FARS2: variants seen among roughly 807,000 people sequenced by gnomAD.
FARS2 encodes the protein phenylalanyl-tRNA synthetase 2, mitochondrial.
A neutral mutation model predicts 46.4 loss-of-function variants in FARS2; 40 were observed. The ratio of observed to expected loss-of-function variants is 0.86; its 90% CI spans 0.67 to 1.12. FARS2 has a LOEUF of 1.12. Among genes scored for constraint, FARS2 ranks in the 50% most tolerant of loss-of-function variants. The pLI is 0.00. For synonymous variants in FARS2, 234 were observed against 214.9 expected (o/e 1.09, Z -0.78); for missense variants, 513 against 567.9 (o/e 0.90, Z 0.98).
At chr6:5,269,465 A>G (rs1765794029) in intron 1 of FARS2, among the ~76,000 whole-genome samples, 1 of 151,862 alleles carries the variant, frequency 6.6e-6, no homozygotes, top group Admixed American at 6.5e-5. Flanking sequence ...ATAATAAAAA[A>G]AAAAATGAAA....
chr6:5,653,855 C>T (rs1349610676), intron 6 of FARS2, among the ~76,000 whole-genome samples: 2 of 151,976 alleles, frequency 1.3e-5, no homozygotes, highest in Non-Finnish European at 2.9e-5. Flanking sequence ...GCTGCATCTT[C>T]GTGGAGTGCG....
intron 4 of FARS2, among the ~76,000 whole-genome samples, chr6:5,447,454 C>T (rs1764245787): frequency 6.6e-6 from 1 of 152,188 alleles, no homozygotes; most frequent in Non-Finnish European, 1.5e-5. Flanking sequence ...CCACAGCATG[C>T]TTTTTACCCC....
chr6:5,334,781 C>A (rs1231911017), intron 1 of FARS2, among the ~76,000 whole-genome samples: 2 of 152,116 alleles, frequency 1.3e-5, no homozygotes, highest in African/African-American at 4.8e-5. Flanking sequence ...CCCCATTTGT[C>A]TTTAACATAA....
At chr6:5,449,119 C>T (rs1415624056) in intron 4 of FARS2, among the ~76,000 whole-genome samples, 6 of 152,030 alleles carry the variant, frequency 3.9e-5, no homozygotes, top group South Asian at 2.1e-4. Flanking sequence ...GAGGCCGAGG[C>T]GGGCAGATCA....
intron 4 of FARS2, among the ~76,000 whole-genome samples, chr6:5,479,301 A>T (rs1348235692): frequency 6.6e-6 from 1 of 152,196 alleles, no homozygotes. Flanking sequence ...GCATTGTTAG[A>T]TTCTACTCAT....
intron 6 of FARS2, among the ~76,000 whole-genome samples, chr6:5,767,346 G>A (rs551022424): frequency 7.9e-5 from 12 of 152,252 alleles, no homozygotes; most frequent in East Asian, 5.8e-4. Context: ...ATGAGCCACC[G>A]CGCCCGGCCA....
At chr6:5,415,360 G>C (rs1762177664) in intron 3 of FARS2, among the ~76,000 whole-genome samples, 1 of 130,116 alleles carries the variant, frequency 7.7e-6, no homozygotes, top group Non-Finnish European at 1.6e-5. Flanking sequence ...TGTCGCCAAG[G>C]CTGGAGTGCA....
chr6:5,537,218 G>A (rs12175572), intron 4 of FARS2, among the ~76,000 whole-genome samples: 17,987 of 152,190 alleles, frequency 0.12, 1,165 homozygotes, highest in East Asian at 0.22. Flanking sequence ...GCATGATGCT[G>A]TACAGGACTA....
chr6:5,565,174 C>T (rs780736763), intron 5 of FARS2, among the ~76,000 whole-genome samples: 6 of 152,262 alleles, frequency 3.9e-5, no homozygotes, highest in Non-Finnish European at 8.8e-5. Flanking sequence ...CAGGAGTATA[C>T]CTTACTCAAT....
intron 2 of FARS2, among the ~76,000 whole-genome samples, chr6:5,373,163 T>C (rs147934841): frequency 2.3e-4 from 35 of 152,204 alleles, no homozygotes; most frequent in Middle Eastern, 3.4e-3. Context: ...AAAGGAGAGC[T>C]TCCTTAGGGG....
intron 6 of FARS2, among the ~76,000 whole-genome samples, chr6:5,648,180 A>G (rs971100585): frequency 2.0e-5 from 3 of 152,126 alleles, no homozygotes; most frequent in African/African-American, 7.2e-5. Context: ...GAAGTCACCT[A>G]CTCCAAATGG....
At chr6:5,624,656 G>A (rs1775941278) in intron 6 of FARS2, among the ~76,000 whole-genome samples, 2 of 152,198 alleles carry the variant, frequency 1.3e-5, no homozygotes, top group Admixed American at 1.3e-4. Context: ...TGTGGCGATG[G>A]AATGCTCTCT....
chr6:5,445,693 A>G (rs961874553), intron 4 of FARS2, among the ~76,000 whole-genome samples: 3 of 152,130 alleles, frequency 2.0e-5, no homozygotes, highest in Non-Finnish European at 4.4e-5. Flanking sequence ...AGCTCGGAAG[A>G]AGTAGCTCTG....
At chr6:5,544,764 T>C (rs1008105711) in intron 4 of FARS2, among the ~76,000 whole-genome samples, 3 of 152,240 alleles carry the variant, frequency 2.0e-5, no homozygotes, top group African/African-American at 7.2e-5. Context: ...CACTATGGCA[T>C]GTTTTGAATG....
chr6:5,744,014 G>A (rs1424096058), intron 6 of FARS2, among the ~76,000 whole-genome samples: 1 of 152,138 alleles, frequency 6.6e-6, no homozygotes, highest in East Asian at 1.9e-4. Context: ...TTTCTCACCA[G>A]GTCTAAGCCA....
intron 4 of FARS2, among the ~76,000 whole-genome samples, chr6:5,534,844 T>TACACACTTGCACGCACACACAC (rs1554106109): frequency 2.7e-5 from 4 of 150,632 alleles, no homozygotes; most frequent in African/African-American, 5.0e-5. Flanking sequence ...CACGCACGCA[T>TACACACTTGCACGCACACACAC]ACACACTTGC....
At chr6:5,642,144 A>G (rs1561771893) in intron 6 of FARS2, among the ~76,000 whole-genome samples, 4 of 152,058 alleles carry the variant, frequency 2.6e-5, no homozygotes. Flanking sequence ...GTGTGTCTGT[A>G]TGTGTGTGTG....
chr6:5,435,830 T>C (rs924498221), intron 4 of FARS2, among the ~76,000 whole-genome samples: 2 of 152,212 alleles, frequency 1.3e-5, no homozygotes, highest in Non-Finnish European at 2.9e-5. Context: ...AGAAGCTTGA[T>C]AGTTGAAAAT....
Position 5,633,262 on chromosome 6 carries a change from C to CTTTTTTTTTT in FARS2, c.1217+19964_1217+19973dup, listed in dbSNP as rs59797062. ...TACAGGTACATGCCACCATCCCTGG[C>CTTTTTTTTTT]TTTTTTTTTTTTTTTTTTTTTTTTT... On this transcript the variant is annotated intron_variant, in intron 6 of 6. Transcript: ENST00000274680. Among the ~76,000 whole-genome samples the CTTTTTTTTTT allele has an allele frequency of 1.0e-4, 5 of 50,084 alleles. 1 individual carries two copies. The highest frequency in any genetic ancestry group is 2.2e-4 in the African/African-American group (3 of 13,812). 32.9% of individuals were successfully genotyped at this position (50,084 alleles called of 152,430 possible). A position where few individuals can be genotyped will look rare whatever the true frequency, so the allele number is the denominator to read the frequency against.
Sources: gnomAD v4.1 joint callset for allele counts (sites outside exome capture counted in the v4.1 genomes callset) on GRCh38, gnomAD v4.1.1 for gene constraint, MANE v1.5 for transcripts, NCBI Gene and HGNC (gene_info 2026-07-23, HGNC 2026-07-21) for gene names.